The following HENMT1 variants were observed in gnomAD, a reference collection of about 807,000 sequenced individuals.
The protein encoded by HENMT1 is HEN methyltransferase 1, also known as small RNA 2'-O-methyltransferase.
HENMT1 carries 27 observed loss-of-function variants against 31.1 expected under a neutral mutation model. That is an observed-to-expected ratio of 0.87 (90% CI 0.64 to 1.20). The LOEUF is 1.20. Among genes scored for constraint, HENMT1 ranks in the 50% most tolerant of loss-of-function variants. HENMT1 has a pLI of 0.00. For missense variants in HENMT1, 438 were observed against 469.6 expected, an observed-to-expected ratio of 0.93 and a Z score of 0.62; for synonymous variants, 167 against 172.2, an observed-to-expected ratio of 0.97 and a Z score of 0.24.
rs180677194 is a variant in HENMT1 at position 108,650,237 on chromosome 1, G to A, written c.730C>T (p.Gln244Ter). The A allele has an allele frequency of 6.2e-7, 1 of 1,614,026 alleles. No homozygotes were observed. Among genetic ancestry groups the A allele is most frequent in the Non-Finnish European group, 8.5e-7 (1 of 1,179,918 alleles). Residue 244 changes from glutamine to a stop codon, truncating the protein, a stop_gained, in exon 7 of 8, where the codon CAG becomes TAG. Transcript: ENST00000651461. LOFTEE classifies it low-confidence loss of function (END_TRUNC). ...GCTTTATAAACATGCTGATCATGCT[G>A]CTCTGAAAGACATGATTCTGTTGCC... Reference protein sequence around the residue: ...GKATESCLSEQHDQHVYKAVF... With the variant: ...GKATESCLSE
At chr1:108,655,848 T>TACAA (rs1658220287) in intron 3 of HENMT1, 150 bp from the exon 4 acceptor site, 1 of 232,618 alleles carries the variant, frequency 4.3e-6, no homozygotes, top group East Asian at 7.9e-5. Context: ...CAGAAGATGC[T>TACAA]ACACACACAC....
At chr1:108,655,359 T>G (rs1658198353) in intron 4 of HENMT1, among the ~76,000 whole-genome samples, 1 of 152,236 alleles carries the variant, frequency 6.6e-6, no homozygotes, top group Non-Finnish European at 1.5e-5. Context: ...AATTTTAATT[T>G]ACAATGCTTT....
At chr1:108,652,631 C>T (rs1216028678) in intron 5 of HENMT1, among the ~76,000 whole-genome samples, 2 of 152,170 alleles carry the variant, frequency 1.3e-5, no homozygotes, top group Non-Finnish European at 2.9e-5. Flanking sequence ...GAGGGCTGAG[C>T]TTCTATGCAA....
At chr1:108,654,939 C>G in intron 4 of HENMT1, 89 bp from the exon 5 acceptor site, 1 of 1,287,310 alleles carries the variant, frequency 7.8e-7, no homozygotes, top group Non-Finnish European at 1.1e-6. Flanking sequence ...TGATAATTAT[C>G]TTCTACCTCT....
At chr1:108,657,752 T>C (rs1460166498) in intron 2 of HENMT1, among the ~76,000 whole-genome samples, 173 bp from the exon 3 acceptor site, 1 of 152,140 alleles carries the variant, frequency 6.6e-6, no homozygotes, top group Non-Finnish European at 1.5e-5. Flanking sequence ...CCTCCACAGT[T>C]CATGTAAGCA....
chr1:108,651,895 A>G (rs957707131), intron 5 of HENMT1, among the ~76,000 whole-genome samples: 4 of 152,156 alleles, frequency 2.6e-5, no homozygotes, highest in Non-Finnish European at 5.9e-5. Context: ...CCTCTAAAAA[A>G]AAGTCTCTGA....
At chr1:108,655,311 T>C (rs1304640179) in intron 4 of HENMT1, among the ~76,000 whole-genome samples, 1 of 152,220 alleles carries the variant, frequency 6.6e-6, no homozygotes, top group Non-Finnish European at 1.5e-5. Flanking sequence ...TAAATTATCA[T>C]AGTGTCCAGC....
At chr1:108,660,632 T>C (rs1022452742) in intron 1 of HENMT1, among the ~76,000 whole-genome samples, 3 of 152,186 alleles carry the variant, frequency 2.0e-5, no homozygotes, top group African/African-American at 7.2e-5. Flanking sequence ...CAACTTGTAT[T>C]AAGAAACCCT....
chr1:108,652,860 C>G lies in HENMT1; in HGVS notation c.399-1651G>C, dbSNP rs571848250. On this transcript the variant is annotated intron_variant, in intron 5 of 7. Transcript: ENST00000651461. ...TCGGGAGGCTGAGGCAAAAGAATCACTTGAACCCAGGAGGCAGAGGTTGCA... is the reference window on the plus strand; with the variant it reads ...TCGGGAGGCTGAGGCAAAAGAATCAGTTGAACCCAGGAGGCAGAGGTTGCA... 3.3e-3 allele frequency among the ~76,000 whole-genome samples: 496 copies of G among 151,938 alleles called. 4 individuals carry two copies. Among genetic ancestry groups the G allele is most frequent in the African/African-American group, 0.011 (476 of 41,484 alleles).
intron 2 of HENMT1, 124 bp downstream of exon 2, chr1:108,659,740 C>G: frequency 1.6e-6 from 1 of 627,614 alleles, no homozygotes; most frequent in Non-Finnish European, 2.8e-6. Context: ...CCTTGTTTAC[C>G]TCAACCAACA....
chr1:108,650,470 A>G, intron 6 of HENMT1, 82 bp from the exon 7 acceptor site: 6 of 1,220,572 alleles, frequency 4.9e-6, no homozygotes, highest in Non-Finnish European at 7.0e-6. Context: ...GTCAGCAGTA[A>G]AAGAGAACAT....
intron 5 of HENMT1, 97 bp downstream of exon 5, chr1:108,654,619 A>C (rs1658157530): frequency 8.3e-7 from 1 of 1,200,994 alleles, no homozygotes; most frequent in Admixed American, 2.4e-5. Flanking sequence ...TTTCCTTACA[A>C]TAATCAAGAC....
rs139124191 is a variant in HENMT1, at chr1:108,657,992, T to TAC, written c.22-415_22-414dup. Among the ~76,000 whole-genome samples the TAC allele has an allele frequency of 2.1e-3, 303 of 145,958 alleles. 2 individuals are homozygous for TAC. The highest frequency in any genetic ancestry group is 7.0e-3 in the South Asian group (33 of 4,722). ...ATATATATACACACACACATATATA[T>TAC]ACACACACACACACACATATATGTA... On this transcript the variant is annotated intron_variant, in intron 2 of 7. Transcript: ENST00000651461.
Position 108,648,746 on chromosome 1 carries a change from A to G in HENMT1, c.1002T>C (p.Cys334=), listed in dbSNP as rs777187856. 41 of 1,614,012 alleles carry G rather than the reference A, an allele frequency of 2.5e-5. 1 individual carries two copies. The South Asian group carries it at 4.2e-4, about 16-fold the overall frequency. The change falls in exon 8 of 8, where the codon TGT becomes TGC. Residue 334 remains cysteine, a synonymous_variant. Transcript: ENST00000651461. ...AKIENSPTPF[C]VGDKFFVPLQ... is the part of the protein sequence containing the mutation. ...GAGGTACGAAAAATTTATCTCCAACACAGAAGGGTGTGGGAGAGTTCTCTA... is the reference window on the plus strand; with the variant it reads ...GAGGTACGAAAAATTTATCTCCAACGCAGAAGGGTGTGGGAGAGTTCTCTA...
chr1:108,650,987 C>A, intron 6 of HENMT1, 43 bp downstream of exon 6: 1 of 1,413,488 alleles, frequency 7.1e-7, no homozygotes, highest in Non-Finnish European at 9.9e-7. Context: ...AGATTTTAAA[C>A]TCCAACAGGA....
chr1:108,654,898 A>C, intron 4 of HENMT1, 48 bp from the exon 5 acceptor site: 1 of 1,582,466 alleles, frequency 6.3e-7, no homozygotes, highest in Non-Finnish European at 8.7e-7. Flanking sequence ...TCTATTTAAA[A>C]ATTCTCACCA....
chr1:108,650,059 A>G (rs1658002559), intron 7 of HENMT1, 152 bp downstream of exon 7: 1 of 743,970 alleles, frequency 1.3e-6, no homozygotes, highest in Non-Finnish European at 2.4e-6. Context: ...TAACTCGGAC[A>G]GTAGTCATGG....
chr1:108,653,062 G>A (rs1224904380), intron 5 of HENMT1, among the ~76,000 whole-genome samples: 2 of 147,068 alleles, frequency 1.4e-5, no homozygotes, highest in South Asian at 2.2e-4. Flanking sequence ...AGTTTTGCTC[G>A]TTGTGCAATG....
chr1:108,652,401 T>G (rs1054003825), intron 5 of HENMT1, among the ~76,000 whole-genome samples: 14 of 152,186 alleles, frequency 9.2e-5, no homozygotes, highest in African/African-American at 3.4e-4. Context: ...GAAAGTTATA[T>G]TTAGGGAAAA....
Sources: allele counts gnomAD v4.1 joint callset (sites outside exome capture counted in the v4.1 genomes callset), GRCh38; gene constraint gnomAD v4.1.1; transcripts MANE v1.5; gene names NCBI Gene and HGNC (gene_info 2026-07-23, HGNC 2026-07-21).